Variants in SYK observed in about 807,000 individuals in gnomAD.
The protein encoded by SYK is spleen associated tyrosine kinase.
In SYK, 16 loss-of-function variants were observed where a neutral mutation model predicts 77.8. The observed-to-expected ratio is 0.21, with a 90% CI of 0.14 to 0.31. The LOEUF (loss-of-function observed/expected upper bound fraction) is 0.31, where lower values mean the gene tolerates loss of function less well. SYK is among the 10% of genes least tolerant of loss of function. The pLI is 1.00. For missense variants in SYK, 529 were observed against 814.4 expected (o/e 0.65, Z 4.26); for synonymous variants, 312 against 308.7 (o/e 1.01, Z -0.11).
rs375613854 is a variant in SYK, at chr9:90,877,583, C to T, written c.1194C>T (p.Thr398=). ...ATTTCTCTTGCAGAGTTGTGAAAACCGTGGCTGTGAAAATACTGAAAAACG... is the reference window on the plus strand; with the variant it reads ...ATTTCTCTTGCAGAGTTGTGAAAACTGTGGCTGTGAAAATACTGAAAAACG... ...GYYQMKKVVK[T]VAVKILKNEA... The change falls in exon 10 of 14, where the codon ACC becomes ACT. Residue 398 remains threonine (T), a synonymous_variant. Transcript: ENST00000375754. 22 of 1,614,104 alleles carry T rather than the reference C, an allele frequency of 1.4e-5. No individual in the cohort carries two copies. Among genetic ancestry groups the T allele is most frequent in the Middle Eastern group, 3.3e-4 (2 of 6,062 alleles).
chr9:90,883,034 C>T (rs902852358), intron 11 of SYK, among the ~76,000 whole-genome samples: 1 of 152,086 alleles, frequency 6.6e-6, no homozygotes, highest in African/African-American at 2.4e-5. Flanking sequence ...ACGCTGAGTC[C>T]CACAGGCTTC....
At chr9:90,808,146 C>CT (rs540177456) in intron 1 of SYK, among the ~76,000 whole-genome samples, 32 of 152,252 alleles carry the variant, frequency 2.1e-4, no homozygotes, top group African/African-American at 7.5e-4. Context: ...GCCATTTGCA[C>CT]TGTGTTTTCA....
At chr9:90,829,780 T>A (rs1825813546) in intron 1 of SYK, among the ~76,000 whole-genome samples, 2 of 152,246 alleles carry the variant, frequency 1.3e-5, no homozygotes, top group East Asian at 3.8e-4. Flanking sequence ...GTTGTTTATT[T>A]ATAACTACAC....
At chr9:90,880,228 G>T (rs1335241830) in intron 11 of SYK, among the ~76,000 whole-genome samples, 1 of 152,234 alleles carries the variant, frequency 6.6e-6, no homozygotes, top group East Asian at 1.9e-4. Flanking sequence ...ACTGGTAGGT[G>T]ATGGGGAATG....
At chr9:90,829,917 G>GTGTTGGTTGAGATAGATCAGCCTTTACT (rs1825817550) in intron 1 of SYK, among the ~76,000 whole-genome samples, 1 of 152,224 alleles carries the variant, frequency 6.6e-6, no homozygotes. Context: ...AAATGTCTAT[G>GTGTTGGTTGAGATAGATCAGCCTTTACT]TGTTGGTTGA....
At chr9:90,851,691 A>G (rs1013161871) in intron 3 of SYK, among the ~76,000 whole-genome samples, 2 of 152,140 alleles carry the variant, frequency 1.3e-5, no homozygotes, top group Non-Finnish European at 2.9e-5. Context: ...GAGGCCTTGT[A>G]TAGCAGCACA....
intron 6 of SYK, among the ~76,000 whole-genome samples, chr9:90,865,953 C>T (rs1336032523): frequency 3.4e-5 from 4 of 116,740 alleles, no homozygotes; most frequent in Non-Finnish European, 6.4e-5. Context: ...GGCTGGAGTG[C>T]AGTGGCGCGA....
intron 1 of SYK, among the ~76,000 whole-genome samples, chr9:90,829,413 GC>G (rs1308553932): frequency 6.6e-6 from 1 of 152,184 alleles, no homozygotes; most frequent in Non-Finnish European, 1.5e-5. Context: ...AGGGTGGGGT[GC>G]CCTGAAGACC....
chr9:90,810,690 T>C (rs1274977231), intron 1 of SYK, among the ~76,000 whole-genome samples: 1 of 152,184 alleles, frequency 6.6e-6, no homozygotes, highest in Non-Finnish European at 1.5e-5. Context: ...CCAAACACAA[T>C]TAAGCACATT....
At chr9:90,829,828 C>T (rs1825815257) in intron 1 of SYK, among the ~76,000 whole-genome samples, 1 of 152,146 alleles carries the variant, frequency 6.6e-6, no homozygotes, top group African/African-American at 2.4e-5. Context: ...AACACCAAAG[C>T]GTAATATCTG....
intron 1 of SYK, among the ~76,000 whole-genome samples, chr9:90,832,989 T>C (rs1349996267): frequency 6.6e-6 from 1 of 152,230 alleles, no homozygotes; most frequent in Non-Finnish European, 1.5e-5. Flanking sequence ...GCTGGTCACT[T>C]ACTGCTGGCT....
At chr9:90,831,201 C>T (rs917323283) in intron 1 of SYK, among the ~76,000 whole-genome samples, 2 of 152,164 alleles carry the variant, frequency 1.3e-5, no homozygotes, top group African/African-American at 4.8e-5. Flanking sequence ...AGTGAGACAC[C>T]TTCAATCGCT....
In SYK at chr9:90,884,176, C is replaced by T. The variant is rs193140625; in HGVS notation, c.1582-3573C>T. Reference sequence around the variant, plus strand: ...GTGTATATATACACACATACACATACGTGTATATATACACACATACACATA... The same window carrying T: ...GTGTATATATACACACATACACATATGTGTATATATACACACATACACATA... On this transcript the variant is annotated intron_variant, in intron 11 of 13. Coordinates refer to ENST00000375754, the MANE Select transcript of SYK (RefSeq NM_003177.7). Among the ~76,000 whole-genome samples the T allele has an allele frequency of 2.4e-3, 354 of 149,916 alleles. 11 individuals carry two copies. Among genetic ancestry groups the T allele is most frequent in the Non-Finnish European group, 4.0e-3 (271 of 67,560 alleles).
intron 1 of SYK, among the ~76,000 whole-genome samples, chr9:90,841,416 TAA>T (rs55969811): frequency 2.9e-5 from 2 of 69,888 alleles, no homozygotes; most frequent in Non-Finnish European, 7.6e-5. Context: ...GCAGTGTGTG[TAA>T]GATGTGTGTA....
At chr9:90,845,371 C>A in intron 2 of SYK, 63 bp from the exon 3 acceptor site, 1 of 1,533,454 alleles carries the variant, frequency 6.5e-7, no homozygotes, top group South Asian at 1.2e-5. Context: ...ATTGGAAATG[C>A]CTTCTGCATC....
chr9:90,861,182 G>C (rs1827244027), intron 3 of SYK, among the ~76,000 whole-genome samples: 1 of 152,140 alleles, frequency 6.6e-6, no homozygotes, highest in South Asian at 2.1e-4. Context: ...AACTCCCCAA[G>C]TCCCACAGGT....
intron 13 of SYK, among the ~76,000 whole-genome samples, chr9:90,890,395 G>C (rs1168673018): frequency 6.6e-6 from 1 of 152,246 alleles, no homozygotes; most frequent in Non-Finnish European, 1.5e-5. Context: ...AGCAGTCTAC[G>C]TGATATTCAC....
intron 3 of SYK, 38 bp downstream of exon 3, chr9:90,845,632 G>A: frequency 6.2e-7 from 1 of 1,602,620 alleles, no homozygotes; most frequent in Non-Finnish European, 8.5e-7. Context: ...CCTGCCACCA[G>A]GCCTGTGTGG....
intron 1 of SYK, among the ~76,000 whole-genome samples, chr9:90,823,077 A>C (rs539854691): frequency 6.6e-6 from 1 of 152,170 alleles, no homozygotes; most frequent in African/African-American, 2.4e-5. Flanking sequence ...GGAATTCCCA[A>C]GGGAATTCCT....
Sources: gnomAD v4.1 joint callset for allele counts (sites outside exome capture counted in the v4.1 genomes callset) on GRCh38, gnomAD v4.1.1 for gene constraint, MANE v1.5 for transcripts, NCBI Gene and HGNC (gene_info 2026-07-23, HGNC 2026-07-21) for gene names.